Variants in MGMT observed in about 807,000 individuals in gnomAD.
The protein encoded by MGMT is O-6-methylguanine-DNA methyltransferase, also known as methylated-DNA--protein-cysteine methyltransferase.
A neutral mutation model predicts 15.9 loss-of-function variants in MGMT; 14 were observed. The observed-to-expected ratio is 0.88, with a 90% CI of 0.58 to 1.37. The LOEUF (loss-of-function observed/expected upper bound fraction) is 1.37. MGMT is among the 40% of genes most tolerant of loss of function. The pLI, the probability that MGMT is intolerant of heterozygous loss-of-function variation, is 0.00. For missense variants in MGMT, 282 were observed against 268.1 expected (o/e 1.05, Z -0.36); for synonymous variants, 130 against 118.2 (o/e 1.10, Z -0.65).
chr10:129,649,969 G>T (rs1351616179), intron 2 of MGMT, among the ~76,000 whole-genome samples: 1 of 151,960 alleles, frequency 6.6e-6, no homozygotes, highest in Non-Finnish European at 1.5e-5. Context: ...TTCCTCTTTA[G>T]CATCTAGAGA....
chr10:129,754,850 G>A (rs766863045), intron 3 of MGMT, among the ~76,000 whole-genome samples: 4 of 152,230 alleles, frequency 2.6e-5, no homozygotes, highest in Non-Finnish European at 4.4e-5. Flanking sequence ...CACTGTCACA[G>A]TGGCAGTTGT....
chr10:129,753,409 T>A (rs1165228645), intron 3 of MGMT, among the ~76,000 whole-genome samples: 1 of 152,194 alleles, frequency 6.6e-6, no homozygotes, highest in Non-Finnish European at 1.5e-5. Flanking sequence ...TTGAATTTTT[T>A]CCCGTACTAC....
chr10:129,472,538 G>C (rs1845244272), intron 1 of MGMT, among the ~76,000 whole-genome samples: 1 of 152,124 alleles, frequency 6.6e-6, no homozygotes. Context: ...CCTCACTGGG[G>C]GCATGTGCAC....
intron 2 of MGMT, among the ~76,000 whole-genome samples, chr10:129,576,033 G>A (rs1846478446): frequency 6.6e-6 from 1 of 152,148 alleles, no homozygotes; most frequent in African/African-American, 2.4e-5. Context: ...TGAAATTGAG[G>A]CAATAATTAA....
intron 1 of MGMT, among the ~76,000 whole-genome samples, chr10:129,523,231 C>A (rs941943408): frequency 8.5e-5 from 13 of 152,204 alleles, no homozygotes; most frequent in African/African-American, 3.1e-4. Flanking sequence ...AGGCGGGAGA[C>A]CCGGGCCAGA....
Position 129,542,387 on chromosome 10 carries a change from C to T in MGMT, c.125+6010C>T, listed in dbSNP as rs541655381. ...CATGAGAACCTTCCTGGGAACTTCA[C>T]GAATTCGTTTTTTTCTGACAGATTG... On this transcript the variant is annotated intron_variant, in intron 2 of 4. Coordinates refer to ENST00000651593, the MANE Select transcript of MGMT (RefSeq NM_002412.5). Among the ~76,000 whole-genome samples, 9 of 152,256 alleles carry T rather than the reference C, an allele frequency of 5.9e-5. No individual in the cohort carries two copies. The South Asian group carries it at 1.7e-3, about 28-fold the overall frequency.
At chr10:129,683,250 C>T (rs978515239) in intron 2 of MGMT, among the ~76,000 whole-genome samples, 1 of 152,210 alleles carries the variant, frequency 6.6e-6, no homozygotes, top group Non-Finnish European at 1.5e-5. Context: ...CAAGTGCCTG[C>T]GTAGGAGTAC....
At chr10:129,627,986 C>T (rs1056571225) in intron 2 of MGMT, among the ~76,000 whole-genome samples, 3 of 152,134 alleles carry the variant, frequency 2.0e-5, no homozygotes, top group East Asian at 1.9e-4. Context: ...TTGATAATGA[C>T]GCCACTTTGG....
intron 3 of MGMT, among the ~76,000 whole-genome samples, chr10:129,711,933 T>C (rs942942818): frequency 1.3e-5 from 2 of 152,222 alleles, no homozygotes; most frequent in African/African-American, 2.4e-5. Flanking sequence ...TTCTTAGTGT[T>C]TATTTATGAA....
intron 2 of MGMT, among the ~76,000 whole-genome samples, chr10:129,686,571 T>C (rs1056580006): frequency 2.3e-5 from 1 of 42,808 alleles, no homozygotes; most frequent in Non-Finnish European, 4.0e-5. Context: ...AATGGGGTTT[T>C]CTGCTGCTCT....
intron 3 of MGMT, among the ~76,000 whole-genome samples, chr10:129,754,443 G>A (rs1272289695): frequency 6.6e-6 from 1 of 152,144 alleles, no homozygotes; most frequent in Admixed American, 6.5e-5. Flanking sequence ...CCCCTCACTG[G>A]TTTGGGCTCC....
intron 1 of MGMT, among the ~76,000 whole-genome samples, chr10:129,509,545 T>A (rs2119693339): frequency 6.6e-6 from 1 of 152,364 alleles, no homozygotes; most frequent in South Asian, 2.1e-4. Context: ...AGTTCCAAGT[T>A]GTTTAGAATT....
intron 4 of MGMT, 111 bp from the exon 5 acceptor site, chr10:129,766,677 G>A: frequency 2.1e-6 from 2 of 967,854 alleles, no homozygotes; most frequent in East Asian, 5.3e-5. Flanking sequence ...CCCTGGCACA[G>A]GCCCCTGCTT....
chr10:129,653,209 G>A (rs974330297), intron 2 of MGMT, among the ~76,000 whole-genome samples: 1 of 152,216 alleles, frequency 6.6e-6, no homozygotes, highest in Non-Finnish European at 1.5e-5. Context: ...TTAATAAGCA[G>A]TTCTCGTTCT....
chr10:129,706,925 T>C (rs561883093), intron 2 of MGMT, among the ~76,000 whole-genome samples: 2 of 151,720 alleles, frequency 1.3e-5, no homozygotes, highest in East Asian at 3.9e-4. Flanking sequence ...CTCCCAGAGG[T>C]ACAGGTTCAA....
chr10:129,740,614 C>G (rs1027804293), intron 3 of MGMT, among the ~76,000 whole-genome samples: 2 of 152,306 alleles, frequency 1.3e-5, no homozygotes, highest in South Asian at 2.1e-4. Flanking sequence ...GGAGGGGCGA[C>G]AGGACAGCGT....
intron 2 of MGMT, among the ~76,000 whole-genome samples, chr10:129,557,061 A>G (rs1239994578): frequency 6.6e-6 from 1 of 152,202 alleles, no homozygotes; most frequent in African/African-American, 2.4e-5. Context: ...GTCTTCATTA[A>G]TTCGTGGTCC....
intron 3 of MGMT, among the ~76,000 whole-genome samples, chr10:129,717,348 T>TA (rs1302096674): frequency 6.6e-6 from 1 of 152,270 alleles, no homozygotes; most frequent in African/African-American, 2.4e-5. Flanking sequence ...AGTCTCTCGT[T>TA]AAAGAAGTAG....
intron 3 of MGMT, among the ~76,000 whole-genome samples, chr10:129,716,799 A>G (rs146622136): frequency 1.4e-4 from 22 of 152,362 alleles, no homozygotes; most frequent in African/African-American, 5.3e-4. Flanking sequence ...AATCTAGCTG[A>G]ATGTGATGGT....
Sources: gnomAD v4.1 joint callset for allele counts (sites outside exome capture counted in the v4.1 genomes callset) on GRCh38, gnomAD v4.1.1 for gene constraint, MANE v1.5 for transcripts, NCBI Gene and HGNC (gene_info 2026-07-23, HGNC 2026-07-21) for gene names.